Variants in PDE3B observed in about 807,000 individuals in gnomAD.
PDE3B encodes phosphodiesterase 3B, also known as cGMP-inhibited 3',5'-cyclic phosphodiesterase 3B.
A neutral mutation model predicts 116.8 loss-of-function variants in PDE3B; 66 were observed. That is an observed-to-expected ratio of 0.56 (90% CI 0.46 to 0.69). PDE3B has a LOEUF of 0.69. Ranked by LOEUF, PDE3B falls within the 30% of genes least tolerant of loss-of-function variation. PDE3B has a pLI of 0.00. For missense variants in PDE3B, 1,384 were observed against 1,368.1 expected, an observed-to-expected ratio of 1.01 and a Z score of -0.18; for synonymous variants, 595 against 533.6, an observed-to-expected ratio of 1.12 and a Z score of -1.59.
intron 1 of PDE3B, among the ~76,000 whole-genome samples, chr11:14,685,113 A>T (rs1854830214): frequency 6.6e-6 from 1 of 152,210 alleles, no homozygotes; most frequent in African/African-American, 2.4e-5. Context: ...TGTCCATATT[A>T]AAATGAAATC....
intron 1 of PDE3B, among the ~76,000 whole-genome samples, chr11:14,654,845 C>T (rs991117797): frequency 1.3e-5 from 2 of 148,992 alleles, no homozygotes; most frequent in Non-Finnish European, 3.0e-5. Flanking sequence ...GCTAGTGCAA[C>T]TGCTGAAAGA....
intron 1 of PDE3B, among the ~76,000 whole-genome samples, chr11:14,729,818 A>G (rs1310623813): frequency 6.6e-6 from 1 of 152,210 alleles, no homozygotes; most frequent in African/African-American, 2.4e-5. Flanking sequence ...AAAACAATGG[A>G]TGACTAAAAT....
intron 1 of PDE3B, among the ~76,000 whole-genome samples, chr11:14,679,777 C>T (rs1854643425): frequency 6.6e-6 from 1 of 151,842 alleles, no homozygotes; most frequent in Non-Finnish European, 1.5e-5. Context: ...TTACTCTACT[C>T]GACTGGCTAA....
Position 14,692,287 on chromosome 11 carries a change from TATA to T in PDE3B, c.978+47244_978+47246del, listed in dbSNP as rs1157348642. Among the ~76,000 whole-genome samples the T allele has an allele frequency of 4.6e-5, 7 of 151,728 alleles. No homozygotes were observed. In the East Asian group the frequency reaches 1.4e-3, roughly 29 times the overall value. On this transcript the variant is annotated intron_variant, in intron 1 of 15. Coordinates refer to ENST00000282096, the MANE Select transcript of PDE3B (RefSeq NM_000922.4). ...AGACCCTATCTCTAAAAATGATATA[TATA>T]ATAATAATAGTATCTACACCATAGG...
At chr11:14,830,217 CTCT>C (rs1165722501) in intron 7 of PDE3B, among the ~76,000 whole-genome samples, 1 of 152,094 alleles carries the variant, frequency 6.6e-6, no homozygotes, top group African/African-American at 2.4e-5. Flanking sequence ...ATGAATACTG[CTCT>C]TCTTTTCCAT....
At chr11:14,676,072 T>C (rs1002529131) in intron 1 of PDE3B, among the ~76,000 whole-genome samples, 1 of 152,158 alleles carries the variant, frequency 6.6e-6, no homozygotes, top group African/African-American at 2.4e-5. Flanking sequence ...ATTTTAGCCA[T>C]ATAGTACCTG....
chr11:14,768,212 T>C (rs1198316876), intron 1 of PDE3B, among the ~76,000 whole-genome samples: 1 of 151,618 alleles, frequency 6.6e-6, no homozygotes, highest in Admixed American at 6.6e-5. Flanking sequence ...TAACTTTTAC[T>C]AAAGCTGAAC....
chr11:14,815,978 AAG>A (rs1475457632), intron 5 of PDE3B, among the ~76,000 whole-genome samples: 1 of 148,236 alleles, frequency 6.7e-6, no homozygotes, highest in Non-Finnish European at 1.5e-5. Flanking sequence ...CACGCAGAGA[AAG>A]AGAGAGAAAG....
chr11:14,667,535 G>T (rs190489444), intron 1 of PDE3B, among the ~76,000 whole-genome samples: 2 of 151,626 alleles, frequency 1.3e-5, no homozygotes, highest in South Asian at 4.1e-4. Flanking sequence ...CATGGCCTTC[G>T]TAGGGACATG....
At chr11:14,659,299 G>A (rs1284992300) in intron 1 of PDE3B, among the ~76,000 whole-genome samples, 3 of 152,164 alleles carry the variant, frequency 2.0e-5, no homozygotes, top group African/African-American at 7.2e-5. Flanking sequence ...TTCAGATATG[G>A]CTTGCAGAGT....
intron 2 of PDE3B, among the ~76,000 whole-genome samples, chr11:14,782,904 C>T (rs201854467): frequency 6.6e-6 from 1 of 152,148 alleles, no homozygotes; most frequent in Non-Finnish European, 1.5e-5. Context: ...GGAACTTAAA[C>T]AAATTTACAA....
rs533736657 is a variant in PDE3B, at chr11:14,845,936, C to A, written c.2520+1910C>A. On this transcript the variant is annotated intron_variant, in intron 12 of 15. Coordinates refer to ENST00000282096, the MANE Select transcript of PDE3B (RefSeq NM_000922.4). The stretch of plus-strand genomic sequence containing the variant: ...CTCTGTAGGATATTATCCAGGAGAA[C>A]TTCCCCAATCTAGCAAGGCAGGCCA... 2.2e-4 allele frequency among the ~76,000 whole-genome samples: 33 copies of A among 152,272 alleles called. 2 individuals are homozygous for A. The South Asian group carries it at 6.6e-3, about 31-fold the overall frequency.
rs1848140836 is a variant in PDE3B at position 14,871,504 on chromosome 11, T to C, written c.*1844T>C. The C allele has an allele frequency of 6.6e-6, 1 of 152,318 alleles. No individual in the cohort carries two copies. The highest frequency in any genetic ancestry group is 2.4e-5 in the African/African-American group (1 of 41,588). 9.4% of individuals were successfully genotyped at this position (152,318 alleles called of 1,614,324 possible). On this transcript the variant is annotated 3_prime_UTR_variant, in exon 16 of 16. Coordinates refer to ENST00000282096, the MANE Select transcript of PDE3B (RefSeq NM_000922.4). ...AAGTGTATGTGTATAAAGTCATACA[T>C]GTACAAGCATGCATATTGAGATTGA...
At chr11:14,685,765 G>A (rs768105728) in intron 1 of PDE3B, among the ~76,000 whole-genome samples, 7 of 151,954 alleles carry the variant, frequency 4.6e-5, no homozygotes, top group African/African-American at 1.4e-4. Flanking sequence ...CTCATCTTTC[G>A]TGAGTTAAGT....
rs1173636576 is a variant in PDE3B at position 14,869,605 on chromosome 11, C to T, written c.3284C>T (p.Ser1095Phe). The T allele has an allele frequency of 2.5e-6, 4 of 1,613,674 alleles. No individual in the cohort carries two copies. Among genetic ancestry groups the T allele is most frequent in the Non-Finnish European group, 2.5e-6 (3 of 1,179,904 alleles). Residue 1095 changes from serine (S) to phenylalanine (F), a missense_variant, in exon 16 of 16, where the codon TCC becomes TTC. Transcript: ENST00000282096. ...DGNKLQVENS[S>F]LPQADEIQVI... ...AATAAACTGCAGGTGGAGAATTCCT[C>T]CTTACCTCAAGCAGATGAGATTCAG...
At chr11:14,664,444 CAA>C (rs1190354163) in intron 1 of PDE3B, among the ~76,000 whole-genome samples, 4 of 151,984 alleles carry the variant, frequency 2.6e-5, no homozygotes, top group Non-Finnish European at 5.9e-5. Context: ...AATAGAGTCA[CAA>C]AAAACACTTC....
At chr11:14,830,937 T>C in intron 8 of PDE3B, 91 bp downstream of exon 8, 1 of 802,960 alleles carries the variant, frequency 1.2e-6, no homozygotes, top group Admixed American at 3.6e-5. Flanking sequence ...ACAAGATTTT[T>C]AATATAGTAG....
chr11:14,885,758 A>C, the PDE3B span: 2 of 1,610,412 alleles, frequency 1.2e-6, no homozygotes, highest in South Asian at 2.2e-5. Context: ...ATCACTAAAT[A>C]GGTGCAAATA....
intron 1 of PDE3B, among the ~76,000 whole-genome samples, chr11:14,653,320 G>A (rs1396793914): frequency 7.9e-5 from 12 of 152,104 alleles, no homozygotes; most frequent in African/African-American, 2.9e-4. Flanking sequence ...ATTCTCCAAG[G>A]CCTCAAATAA....
Sources: gnomAD v4.1 joint callset for allele counts (sites outside exome capture counted in the v4.1 genomes callset) on GRCh38, gnomAD v4.1.1 for gene constraint, MANE v1.5 for transcripts, NCBI Gene and HGNC (gene_info 2026-07-23, HGNC 2026-07-21) for gene names.